Variants in NPAS3 observed in about 807,000 individuals in gnomAD.
NPAS3 encodes neuronal PAS domain protein 3, also known as neuronal PAS domain-containing protein 3.
A neutral mutation model predicts 73.1 loss-of-function variants in NPAS3; 14 were observed. The observed-to-expected ratio is 0.19, with a 90% CI of 0.13 to 0.30. The LOEUF (loss-of-function observed/expected upper bound fraction) is 0.30. Ranked by LOEUF, NPAS3 falls within the 10% of genes least tolerant of loss-of-function variation. NPAS3 has a pLI of 1.00. For synonymous variants in NPAS3, 620 were observed against 541.5 expected (o/e 1.14, Z -2.01); for missense variants, 1,096 against 1,250.0 (o/e 0.88, Z 1.86).
chr14:33,101,827 A>G (rs1205395120), intron 2 of NPAS3, among the ~76,000 whole-genome samples: 3 of 152,066 alleles, frequency 2.0e-5, no homozygotes, highest in Non-Finnish European at 4.4e-5. Context: ...CACGGCCTCC[A>G]TTCCTAAGCT....
intron 5 of NPAS3, among the ~76,000 whole-genome samples, chr14:33,652,738 C>T (rs1270894250): frequency 2.6e-5 from 4 of 152,180 alleles, no homozygotes; most frequent in Non-Finnish European, 5.9e-5. Flanking sequence ...AGTCCGAACA[C>T]GAGGGGAAGC....
At position 33,775,797 on chromosome 14, in the gene NPAS3, C is replaced by T. The variant is rs1302938517; in HGVS notation, c.1046+1267C>T. On this transcript the variant is annotated intron_variant, in intron 8 of 11. Coordinates refer to ENST00000356141, the Ensembl canonical transcript of NPAS3. ...GGGCCACAGAACACCAGGAAACATG[C>T]GTTAGCCAGAATGATTCGCTGGAGT... Among the ~76,000 whole-genome samples the T allele has an allele frequency of 3.3e-5, 5 of 152,174 alleles. 1 individual carries two copies. In the South Asian group the frequency reaches 1.0e-3, roughly 32 times the overall value.
At chr14:33,399,121 A>G (rs997782685) in intron 4 of NPAS3, among the ~76,000 whole-genome samples, 2 of 152,102 alleles carry the variant, frequency 1.3e-5, no homozygotes, top group Admixed American at 6.6e-5. Flanking sequence ...TTGGTTGAAG[A>G]AAATCGTACA....
chr14:33,070,896 G>T (rs1953432), intron 2 of NPAS3, among the ~76,000 whole-genome samples: 120,097 of 152,164 alleles, frequency 0.79, 47,995 homozygotes, highest in African/African-American at 0.92. Flanking sequence ...CTTTTTGAAG[G>T]GTTTAACACT....
intron 2 of NPAS3, among the ~76,000 whole-genome samples, chr14:33,080,059 C>A (rs2041816433): frequency 6.6e-6 from 1 of 152,088 alleles, no homozygotes; most frequent in South Asian, 2.1e-4. Flanking sequence ...AGACAAGGTA[C>A]AATATCAGCA....
chr14:33,254,380 C>A (rs1002254252), intron 3 of NPAS3, among the ~76,000 whole-genome samples: 2 of 152,084 alleles, frequency 1.3e-5, no homozygotes, highest in Admixed American at 6.6e-5. Context: ...ACTTGGGTTT[C>A]CAGTGTCCAC....
intron 2 of NPAS3, among the ~76,000 whole-genome samples, chr14:33,165,166 C>A (rs1379794306): frequency 6.6e-6 from 1 of 151,996 alleles, no homozygotes; most frequent in Admixed American, 6.6e-5. Flanking sequence ...TGGACTCGGC[C>A]TGTCGGAAAG....
At chr14:33,276,553 G>C (rs1166923835) in intron 3 of NPAS3, among the ~76,000 whole-genome samples, 1 of 152,056 alleles carries the variant, frequency 6.6e-6, no homozygotes, top group South Asian at 2.1e-4. Context: ...TTGATTCTGG[G>C]ATAAATCCCA....
chr14:33,381,551 G>A (rs1164137280), intron 4 of NPAS3, among the ~76,000 whole-genome samples: 1 of 152,096 alleles, frequency 6.6e-6, no homozygotes, highest in Non-Finnish European at 1.5e-5. Flanking sequence ...TTTTGGTGGG[G>A]GAAAAAGTAG....
downstream of NPAS3, chr14:33,802,151 A>G (rs1192931335): frequency 2.6e-5 from 4 of 152,122 alleles, no homozygotes; most frequent in Non-Finnish European, 5.9e-5. Context: ...TGCAACTTCA[A>G]TAACACTTCG....
At chr14:33,242,658 G>A (rs753738823) in intron 3 of NPAS3, among the ~76,000 whole-genome samples, 2 of 152,010 alleles carry the variant, frequency 1.3e-5, no homozygotes, top group African/African-American at 2.4e-5. Context: ...CTTTTTCTTA[G>A]AGATTTGGGT....
intron 4 of NPAS3, among the ~76,000 whole-genome samples, chr14:33,512,068 G>A (rs753229200): frequency 1.3e-5 from 2 of 152,000 alleles, no homozygotes; most frequent in East Asian, 3.9e-4. Context: ...TTATTAGCTT[G>A]TCCATTGCCA....
At chr14:33,201,249 A>G (rs2046602365) in intron 2 of NPAS3, among the ~76,000 whole-genome samples, 1 of 152,148 alleles carries the variant, frequency 6.6e-6, no homozygotes, top group Admixed American at 6.5e-5. Context: ...GTGAAGTTAT[A>G]GCTAGAGGCA....
intron 7 of NPAS3, among the ~76,000 whole-genome samples, chr14:33,769,624 T>C (rs182133577): frequency 1.3e-5 from 2 of 152,316 alleles, no homozygotes; most frequent in Non-Finnish European, 2.9e-5. Context: ...AAACCTTTCT[T>C]ATGGAACATG....
intron 2 of NPAS3, among the ~76,000 whole-genome samples, chr14:33,183,091 T>A (rs1005295469): frequency 6.6e-6 from 1 of 152,204 alleles, no homozygotes; most frequent in African/African-American, 2.4e-5. Flanking sequence ...TAAGGGCTCA[T>A]ATTTTTGCCA....
chr14:33,551,966 G>C (rs1413646548), intron 4 of NPAS3, among the ~76,000 whole-genome samples: 1 of 152,142 alleles, frequency 6.6e-6, no homozygotes, highest in Non-Finnish European at 1.5e-5. Flanking sequence ...CCTTTGCCTT[G>C]GGGCTTTCTG....
At chr14:33,560,097 A>G in intron 4 of NPAS3, 24 bp from the exon 5 acceptor site, 3 of 826,452 alleles carry the variant, frequency 3.6e-6, no homozygotes, top group Non-Finnish European at 6.3e-6. Context: ...TAATCTATTT[A>G]TATATTTATT....
chr14:33,168,419 A>G (rs2045252040), intron 2 of NPAS3, among the ~76,000 whole-genome samples: 1 of 152,222 alleles, frequency 6.6e-6, no homozygotes, highest in Non-Finnish European at 1.5e-5. Context: ...CTCAGATGGA[A>G]CAATTCAACC....
intron 2 of NPAS3, among the ~76,000 whole-genome samples, chr14:33,153,026 TG>T (rs1189734628): frequency 6.6e-6 from 1 of 152,204 alleles, no homozygotes; most frequent in African/African-American, 2.4e-5. Flanking sequence ...TCTCTTAGAC[TG>T]GTTTTCTCTC....
Sources: gnomAD v4.1 joint callset for allele counts (sites outside exome capture counted in the v4.1 genomes callset) on GRCh38, gnomAD v4.1.1 for gene constraint, MANE v1.5 for transcripts, NCBI Gene and HGNC (gene_info 2026-07-23, HGNC 2026-07-21) for gene names.